The following IDO2 variants were observed in gnomAD, a reference collection of about 807,000 sequenced individuals.
IDO2 encodes the protein indoleamine 2,3-dioxygenase-like 1 protein.
IDO2 carries 46 observed loss-of-function variants against 45.1 expected under a neutral mutation model. The observed-to-expected ratio is 1.02, with a 90% CI of 0.80 to 1.30. The LOEUF (loss-of-function observed/expected upper bound fraction) is 1.30. IDO2 is among the 50% of genes most tolerant of loss of function. The pLI is 0.00. For missense variants in IDO2, 544 were observed against 491.8 expected, an observed-to-expected ratio of 1.11 and a Z score of -1.00; for synonymous variants, 218 against 184.9, an observed-to-expected ratio of 1.18 and a Z score of -1.45.
At chr8:40,004,883 G>A (rs1200494984) in intron 8 of IDO2, among the ~76,000 whole-genome samples, 1 of 152,150 alleles carries the variant, frequency 6.6e-6, no homozygotes, top group African/African-American at 2.4e-5. Flanking sequence ...CACTTGCTCC[G>A]CTCTTGTATC....
intron 6 of IDO2, chr8:39,985,738 T>C: frequency 1.9e-6 from 1 of 532,486 alleles, no homozygotes; most frequent in Non-Finnish European, 3.3e-6. Flanking sequence ...GGATTTTTTT[T>C]TACTGTATTT....
intron 6 of IDO2, chr8:39,986,601 A>G (rs1429297252): frequency 6.6e-6 from 1 of 152,144 alleles, no homozygotes; most frequent in Non-Finnish European, 1.5e-5. Flanking sequence ...CTCCATTTAA[A>G]TGACAGCAGA....
At chr8:39,942,900 A>G (rs571324581) in intron 1 of IDO2, among the ~76,000 whole-genome samples, 12 of 152,348 alleles carry the variant, frequency 7.9e-5, no homozygotes, top group African/African-American at 2.9e-4. Context: ...GATGAAAAAA[A>G]CCACATGACT....
chr8:39,961,514 A>C (rs563516556), intron 2 of IDO2, among the ~76,000 whole-genome samples: 1 of 151,248 alleles, frequency 6.6e-6, no homozygotes, highest in African/African-American at 2.4e-5. Context: ...TAGAGACAGG[A>C]TTTCACCATG....
chr8:39,937,457 TATGTA>T (rs1807569212), intron 1 of IDO2, among the ~76,000 whole-genome samples: 1 of 152,204 alleles, frequency 6.6e-6, no homozygotes, highest in Admixed American at 6.5e-5. Context: ...GAATGAACTT[TATGTA>T]ATGTAACTGT....
At chr8:39,970,504 G>T (rs1273354377) in intron 3 of IDO2, among the ~76,000 whole-genome samples, 1 of 152,212 alleles carries the variant, frequency 6.6e-6, no homozygotes, top group Non-Finnish European at 1.5e-5. Flanking sequence ...CAATTCTCCT[G>T]CCTCAGCCTT....
intron 8 of IDO2, among the ~76,000 whole-genome samples, chr8:40,000,342 G>A (rs1441641397): frequency 3.3e-5 from 5 of 151,922 alleles, no homozygotes; most frequent in Admixed American, 1.3e-4. Context: ...CCCAGGAGGC[G>A]GAGGTTGCAG....
intron 2 of IDO2, among the ~76,000 whole-genome samples, chr8:39,952,687 C>T (rs981140560): frequency 6.6e-6 from 1 of 151,766 alleles, no homozygotes; most frequent in African/African-American, 2.4e-5. Flanking sequence ...ATGGAGAATA[C>T]GAGGAAATTA....
intron 1 of IDO2, among the ~76,000 whole-genome samples, chr8:39,945,979 A>C (rs552665508): frequency 2.0e-5 from 3 of 152,334 alleles, no homozygotes; most frequent in East Asian, 3.9e-4. Context: ...TTCCCAAAGC[A>C]GACCTCCTTC....
intron 8 of IDO2, among the ~76,000 whole-genome samples, chr8:39,993,483 A>G (rs1266607484): frequency 2.0e-5 from 3 of 152,146 alleles, no homozygotes; most frequent in Non-Finnish European, 4.4e-5. Context: ...GTATGCATTT[A>G]AATCAGGTTT....
At chr8:39,961,479 CGCCT>C (rs1563428177) in intron 2 of IDO2, among the ~76,000 whole-genome samples, 1 of 151,892 alleles carries the variant, frequency 6.6e-6, no homozygotes, top group Admixed American at 6.6e-5. Context: ...TGTGCCAACA[CGCCT>C]GCCTAATTTT....
intron 1 of IDO2, among the ~76,000 whole-genome samples, chr8:39,947,059 G>A (rs1172813045): frequency 6.6e-6 from 1 of 151,364 alleles, no homozygotes; most frequent in Admixed American, 6.6e-5. Flanking sequence ...GGGAGACTGA[G>A]GCAGGATAAT....
At chr8:39,989,680 A>C in intron 7 of IDO2, 41 bp from the exon 8 acceptor site, 3 of 1,362,854 alleles carry the variant, frequency 2.2e-6, no homozygotes, top group Non-Finnish European at 3.1e-6. Flanking sequence ...ATGGACTTTA[A>C]GGGAGTGCTA....
chr8:39,942,641 C>T (rs1300515876), intron 1 of IDO2, among the ~76,000 whole-genome samples: 2 of 152,006 alleles, frequency 1.3e-5, no homozygotes, highest in Admixed American at 6.6e-5. Flanking sequence ...CTCTGTATAA[C>T]AAACAAACAA....
intron 9 of IDO2, among the ~76,000 whole-genome samples, chr8:40,009,583 AGCAGCTTGGACCTGAGAATGTATGG>A (rs1271062223): frequency 1.3e-5 from 2 of 152,170 alleles, no homozygotes; most frequent in African/African-American, 4.8e-5. Flanking sequence ...TTTTCACAGT[AGCAGCTTGGACCTGAGAATGTATGG>A]GAGCAATAAT....
At chr8:40,014,260 A>T (rs1055876265) in intron 10 of IDO2, among the ~76,000 whole-genome samples, 10 of 152,252 alleles carry the variant, frequency 6.6e-5, no homozygotes, top group Non-Finnish European at 1.5e-4. Flanking sequence ...GATTAGAAGA[A>T]AAAGAATCAC....
At chr8:39,950,369 T>A (rs891943321) in intron 2 of IDO2, among the ~76,000 whole-genome samples, 10 of 152,048 alleles carry the variant, frequency 6.6e-5, no homozygotes, top group Admixed American at 6.6e-4. Flanking sequence ...CCGTCTCTAC[T>A]AAAAATACAA....
chr8:40,006,850 G>A (rs1233327363), intron 9 of IDO2, among the ~76,000 whole-genome samples: 2 of 151,874 alleles, frequency 1.3e-5, no homozygotes, highest in Non-Finnish European at 2.9e-5. Flanking sequence ...TAGTAGAGAC[G>A]GAGTATTGCC....
chr8:39,935,392 C>T (rs112632304), intron 1 of IDO2, among the ~76,000 whole-genome samples, 174 bp downstream of exon 1: 109 of 152,018 alleles, frequency 7.2e-4, no homozygotes, highest in African/African-American at 2.6e-3. Flanking sequence ...ATGTTTGGTC[C>T]ATGGGCTGAA....
Sources: allele counts gnomAD v4.1 joint callset (sites outside exome capture counted in the v4.1 genomes callset), GRCh38; gene constraint gnomAD v4.1.1; transcripts MANE v1.5; gene names NCBI Gene and HGNC (gene_info 2026-07-23, HGNC 2026-07-21).